Variants in USP36 observed in about 807,000 individuals in gnomAD.
USP36 encodes the protein ubiquitin carboxyl-terminal hydrolase 36.
In USP36, 59 loss-of-function variants were observed where a neutral mutation model predicts 111.5. The observed-to-expected ratio is 0.53, with a 90% CI of 0.43 to 0.66. USP36 has a LOEUF of 0.66. USP36 is among the 30% of genes least tolerant of loss of function. The pLI is 0.00. For synonymous variants in USP36, 628 were observed against 581.0 expected (o/e 1.08, Z -1.16); for missense variants, 1,488 against 1,468.0 (o/e 1.01, Z -0.22).
chr17:78,790,839 T>G (rs1200594334), downstream of USP36, among the ~76,000 whole-genome samples: 3 of 152,226 alleles, frequency 2.0e-5, no homozygotes, highest in South Asian at 4.1e-4. Context: ...CCTAAATACC[T>G]AGATCCTGCT....
At chr17:78,789,197 CAAAAAAA>C (rs869247026) in intron 3 of USP36, among the ~76,000 whole-genome samples, 3 of 65,904 alleles carry the variant, frequency 4.6e-5, no homozygotes, top group East Asian at 8.6e-4. Context: ...AACTTGGTCC[CAAAAAAA>C]AAAAAAAAAA....
At chr17:78,831,741 A>G (rs965449927) in intron 4 of USP36, among the ~76,000 whole-genome samples, 3 of 152,054 alleles carry the variant, frequency 2.0e-5, no homozygotes, top group Non-Finnish European at 2.9e-5. Context: ...CAGGTGTTTG[A>G]GACCAGCCTG....
intron 4 of USP36, among the ~76,000 whole-genome samples, chr17:78,830,276 C>G (rs2067966748): frequency 6.6e-6 from 1 of 152,238 alleles, no homozygotes; most frequent in Non-Finnish European, 1.5e-5. Flanking sequence ...TAAATCGTAT[C>G]ATGCAGTTAC....
At chr17:78,815,937 T>TAC (rs1270819683) in intron 10 of USP36, among the ~76,000 whole-genome samples, 1 of 151,772 alleles carries the variant, frequency 6.6e-6, no homozygotes, top group South Asian at 2.1e-4. Flanking sequence ...CACACACATA[T>TAC]ACACACATGC....
At chr17:78,789,550 G>T (rs1015089087) in intron 3 of USP36, among the ~76,000 whole-genome samples, 22 of 152,352 alleles carry the variant, frequency 1.4e-4, no homozygotes, top group Middle Eastern at 6.8e-3. Flanking sequence ...CCCGCAAGAG[G>T]CTGCAAAGCG....
chr17:78,832,736 C>A (rs2068264066), intron 4 of USP36, among the ~76,000 whole-genome samples: 1 of 152,164 alleles, frequency 6.6e-6, no homozygotes, highest in Non-Finnish European at 1.5e-5. Flanking sequence ...AGTCTTACTG[C>A]CAAAACCATG....
intron 4 of USP36, among the ~76,000 whole-genome samples, chr17:78,832,540 G>A (rs7224590): frequency 0.056 from 8,601 of 152,314 alleles, 769 homozygotes; most frequent in African/African-American, 0.19. Context: ...TCACACGCTT[G>A]CTGCTGACAT....
At position 78,798,616 on chromosome 17, in the gene USP36, A is replaced by G. The variant is rs927247799; in HGVS notation, c.3241-65T>C. The G allele has an allele frequency of 6.3e-7, 1 of 1,599,432 alleles. No individual in the cohort carries two copies. Among genetic ancestry groups the G allele is most frequent in the African/African-American group, 1.3e-5 (1 of 74,574 alleles). Reference sequence around the variant, plus strand: ...GCTCTTTCCTGGCCCACGGGGCTCCATGCTGCATGCAGGTCCTGCACACAG... The same window carrying G: ...GCTCTTTCCTGGCCCACGGGGCTCCGTGCTGCATGCAGGTCCTGCACACAG... On this transcript the variant is annotated intron_variant, in intron 19 of 20. Transcript: ENST00000449938. This position sits in a 1 kb window ranked among gnomAD's most constrained non-coding sequence, Gnocchi z 5.1.
chr17:78,807,561 T>C lies in USP36; in HGVS notation c.1483A>G (p.Thr495Ala). The C allele has an allele frequency of 6.2e-7, 1 of 1,609,282 alleles. No individual in the cohort carries two copies. Among genetic ancestry groups the C allele is most frequent in the Non-Finnish European group, 8.5e-7 (1 of 1,177,730 alleles). Reference protein sequence around the residue: ...IGVPISRNGSTLGLKSQNGCI... With the variant: ...IGVPISRNGSALGLKSQNGCI... ...CCGTTCTGGGACTTCAGGCCCAGGG[T>C]GGAGCCATTCCTGGATATGGGCACA... is the stretch of plus-strand genomic sequence containing the variant. Residue 495 changes from threonine to alanine, a missense_variant, in exon 14 of 21, where the codon ACC becomes GCC. Thr to Ala is a moderately conservative substitution (Grantham distance 58). Coordinates refer to ENST00000449938, the MANE Select transcript of USP36 (RefSeq NM_001385174.1).
chr17:78,804,356 G>T (rs1298548681), intron 15 of USP36, among the ~76,000 whole-genome samples: 2 of 151,608 alleles, frequency 1.3e-5, no homozygotes, highest in Non-Finnish European at 2.9e-5. Flanking sequence ...AGCTAGTCAG[G>T]AGACTGAGGC....
chr17:78,802,723 A>G (rs1466337668), intron 16 of USP36, among the ~76,000 whole-genome samples, 188 bp from the exon 17 acceptor site: 1 of 152,162 alleles, frequency 6.6e-6, no homozygotes, highest in Non-Finnish European at 1.5e-5. Context: ...GAGACAGTAG[A>G]GGGAAAACCA....
At chr17:78,827,066 G>A (rs1461071578) in intron 6 of USP36, 179 bp downstream of exon 6, 2 of 746,934 alleles carry the variant, frequency 2.7e-6, no homozygotes, top group African/African-American at 1.7e-5. Flanking sequence ...CAGGAAGCAA[G>A]GGCAATCCCC....
chr17:78,819,556 C>G (rs2094269476), intron 9 of USP36, among the ~76,000 whole-genome samples: 1 of 152,250 alleles, frequency 6.6e-6, no homozygotes, highest in East Asian at 1.9e-4. Context: ...GGGGCGGCCG[C>G]CCGGTGCCAG....
chr17:78,818,552 G>A (rs923098736), intron 10 of USP36, 115 bp downstream of exon 10: 3 of 871,046 alleles, frequency 3.4e-6, no homozygotes, highest in African/African-American at 3.3e-5. Context: ...TTTAGAACAG[G>A]GACAGGTACT....
intron 7 of USP36, among the ~76,000 whole-genome samples, chr17:78,821,538 C>T (rs1049730196): frequency 2.0e-5 from 3 of 148,862 alleles, no homozygotes; most frequent in African/African-American, 7.5e-5. Context: ...AGCAATTCTC[C>T]TGACTCAGCC....
chr17:78,818,557 G>T, intron 10 of USP36, 110 bp downstream of exon 10: 1 of 906,058 alleles, frequency 1.1e-6, no homozygotes, highest in Non-Finnish European at 1.8e-6. Context: ...AACAGGGACA[G>T]GTACTGTGTA....
intron 14 of USP36, 21 bp from the exon 15 acceptor site, chr17:78,806,307 A>G: frequency 6.2e-7 from 1 of 1,613,424 alleles, no homozygotes; most frequent in South Asian, 1.1e-5. Flanking sequence ...CGACATAAAT[A>G]AAAACTTGGT....
At chr17:78,820,139 T>C in intron 8 of USP36, 127 bp from the exon 9 acceptor site, 2 of 940,152 alleles carry the variant, frequency 2.1e-6, no homozygotes, top group Non-Finnish European at 3.2e-6. Context: ...GCATAAAAAT[T>C]TGCCCACTAG....
chr17:78,829,368 C>T (rs57899453), intron 4 of USP36, among the ~76,000 whole-genome samples: 23 of 152,092 alleles, frequency 1.5e-4, no homozygotes, highest in Admixed American at 3.9e-4. Flanking sequence ...GAAGCTTAAA[C>T]GATGTATTCT....
Sources: gnomAD v4.1 joint callset for allele counts (sites outside exome capture counted in the v4.1 genomes callset) on GRCh38, gnomAD v4.1.1 for gene constraint, Gnocchi (gnomAD v3.1) non-coding constraint, MANE v1.5 for transcripts, NCBI Gene and HGNC (gene_info 2026-07-23, HGNC 2026-07-21) for gene names.